The following NFXL1 variants were observed in gnomAD, a reference collection of about 807,000 sequenced individuals.
NFXL1 encodes nuclear transcription factor, X-box binding like 1.
In NFXL1, 66 loss-of-function variants were observed where a neutral mutation model predicts 123.3. The ratio of observed to expected loss-of-function variants is 0.54; its 90% CI spans 0.44 to 0.66. The LOEUF (loss-of-function observed/expected upper bound fraction) is 0.66. Ranked by LOEUF, NFXL1 falls within the 30% of genes least tolerant of loss-of-function variation. NFXL1 has a pLI of 0.00. For missense variants in NFXL1, 944 were observed against 1,125.6 expected (o/e 0.84, Z 2.31); for synonymous variants, 346 against 360.8 (o/e 0.96, Z 0.46).
intron 10 of NFXL1, 108 bp from the exon 11 acceptor site, chr4:47,894,410 A>T (rs1260792412): frequency 1.4e-5 from 9 of 648,140 alleles, no homozygotes; most frequent in Non-Finnish European, 2.1e-5. Flanking sequence ...TTTTAACACT[A>T]AATTTGTATA....
At chr4:47,894,461 T>C (rs146746790) in intron 10 of NFXL1, among the ~76,000 whole-genome samples, 159 bp from the exon 11 acceptor site, 223 of 152,252 alleles carry the variant, frequency 1.5e-3, no homozygotes, top group Middle Eastern at 0.014. Context: ...CCTAAAACAT[T>C]TGCTTATATC....
intron 2 of NFXL1, among the ~76,000 whole-genome samples, chr4:47,912,057 T>A (rs1016581329): frequency 6.6e-6 from 1 of 152,202 alleles, no homozygotes; most frequent in African/African-American, 2.4e-5. Flanking sequence ...TGTTCCCTCA[T>A]GAAACATTTT....
intron 18 of NFXL1, among the ~76,000 whole-genome samples, chr4:47,868,671 T>G (rs1735252251): frequency 6.6e-6 from 1 of 151,642 alleles, no homozygotes; most frequent in South Asian, 2.1e-4. Context: ...AGTGACATAA[T>G]ACAAACAGTA....
intron 15 of NFXL1, chr4:47,882,128 G>C (rs1263364116): frequency 6.6e-6 from 1 of 151,662 alleles, no homozygotes; most frequent in East Asian, 1.9e-4. Flanking sequence ...CTGTGGTATG[G>C]GGGCACACAT....
chr4:47,913,976 T>C lies in NFXL1; in HGVS notation c.228A>G (p.Ala76=), dbSNP rs1248288698. Residue 76 remains alanine (A), a synonymous_variant, in exon 2 of 23, where the codon GCA becomes GCG. Coordinates refer to ENST00000507489, the MANE Select transcript of NFXL1 (RefSeq NM_001278624.2). ...PAGSQALQTT[A]ASELMSQKKF... is the part of the protein sequence containing the mutation. ...GGCGGGAGCCATTCTCACCGCTGGC[T>C]GCGGTAGTCTGCAGGGCTTGGGATC... The C allele has an allele frequency of 6.5e-7, 1 of 1,544,992 alleles. No homozygotes were observed.
Position 47,865,780 on chromosome 4 carries a change from C to T in NFXL1, c.2247-2865G>A, listed in dbSNP as rs533510301. Among the ~76,000 whole-genome samples the T allele has an allele frequency of 2.0e-4, 30 of 152,116 alleles. No individual in the cohort carries two copies. The South Asian group carries it at 5.2e-3, about 26-fold the overall frequency. ...CCGAGGAAGGTGAACTGCCGGAGGC[C>T]GAGGAAGGTGAACTGCCAGAGCCCA... On this transcript the variant is annotated intron_variant, in intron 18 of 22. Coordinates refer to ENST00000507489, the MANE Select transcript of NFXL1 (RefSeq NM_001278624.2).
intron 19 of NFXL1, among the ~76,000 whole-genome samples, chr4:47,855,740 TACA>T (rs1330920367): frequency 1.3e-5 from 2 of 152,174 alleles, no homozygotes; most frequent in Non-Finnish European, 2.9e-5. Flanking sequence ...CCTTTTATTC[TACA>T]ACATTTACCC....
At position 47,890,686 on chromosome 4, in the gene NFXL1, A is replaced by G; in HGVS notation, c.1470T>C (p.Cys490=). 6.2e-7 allele frequency: 1 copy of G among 1,609,194 alleles called. No homozygotes were observed. The change falls in exon 12 of 23, where the codon TGT becomes TGC. Residue 490 remains cysteine, a synonymous_variant. Coordinates refer to ENST00000507489, the MANE Select transcript of NFXL1 (RefSeq NM_001278624.2). ...QCRRKCCPGN[C]PPCDQNCGRT... is the part of the protein sequence containing the mutation. ...GTCCACAGTTTTGATCACAAGGTGG[A>G]CAGTTTCCAGGGCAACACTGAAGAG...
rs1265872481 is a variant in NFXL1 at position 47,875,428 on chromosome 4, G to A, written c.2080-135C>T. 15 of 555,812 alleles carry A rather than the reference G, an allele frequency of 2.7e-5. No homozygotes were observed. In the East Asian group the frequency reaches 3.3e-4, roughly 12 times the overall value. 34.4% of individuals were successfully genotyped at this position (555,812 alleles called of 1,614,324 possible). A position where few individuals can be genotyped will look rare whatever the true frequency, so the allele number is the denominator to read the frequency against. ...TTCTTAGAAACAGAGTTAATCAAAC[G>A]GTACATGCTCTCATTTATCTTAAAA... On this transcript the variant is annotated intron_variant, in intron 17 of 22. Transcript: ENST00000507489.
intron 10 of NFXL1, 90 bp downstream of exon 10, chr4:47,896,433 A>G (rs995090896): frequency 2.0e-6 from 2 of 999,638 alleles, no homozygotes; most frequent in Non-Finnish European, 3.0e-6. Flanking sequence ...GTATATGAAA[A>G]TAAGTAATAG....
rs775485307 is a variant in NFXL1, at chr4:47,899,383, G to A, written c.813C>T (p.Leu271=). 12 of 1,612,946 alleles carry A rather than the reference G, an allele frequency of 7.4e-6. No individual in the cohort carries two copies. The highest frequency in any genetic ancestry group is 3.3e-5 in the Admixed American group (2 of 59,966). Residue 271 remains leucine, a synonymous_variant, in exon 6 of 23, where the codon CTC becomes CTT. Coordinates refer to ENST00000507489, the MANE Select transcript of NFXL1 (RefSeq NM_001278624.2). Reference sequence around the variant, plus strand: ...TATATAACTCACCTGGATGACAGAGGAGTAAACATTTATGGCCACAAGGAG... The same window carrying A: ...TATATAACTCACCTGGATGACAGAGAAGTAAACATTTATGGCCACAAGGAG... ...FKPPCGHKCL[L]LCHPGPCPPC... is the part of the protein sequence containing the mutation.
intron 4 of NFXL1, among the ~76,000 whole-genome samples, chr4:47,904,133 G>T (rs1737460760): frequency 1.3e-5 from 2 of 152,148 alleles, no homozygotes. Flanking sequence ...CAGGGAAAAA[G>T]AAATAACCAA....
Position 47,914,183 on chromosome 4 carries a change from C to A in NFXL1, c.21G>T (p.Gln7His). The A allele has an allele frequency of 6.6e-7, 1 of 1,522,016 alleles. No homozygotes were observed. The highest frequency in any genetic ancestry group is 1.2e-5 in the South Asian group (1 of 82,922). 94.3% of individuals were successfully genotyped at this position (1,522,016 alleles called of 1,614,324 possible). A position where few individuals can be genotyped will look rare whatever the true frequency, so the allele number is the denominator to read the frequency against. The part of the protein sequence containing the change: MEASWR[Q>H]VAGGRGRSRG... The stretch of plus-strand genomic sequence containing the variant: ...GGGATCGGCCTCGGCCACCGGCCAC[C>A]TGGCGCCAGGAAGCTTCCATCCCTG... Residue 7 changes from glutamine (Q) to histidine (H), a missense_variant, in exon 2 of 23, where the codon CAG (glutamine) becomes CAT (histidine). Gln to His is a conservative substitution (Grantham distance 24, BLOSUM62 0). Coordinates refer to ENST00000507489, the MANE Select transcript of NFXL1 (RefSeq NM_001278624.2).
chr4:47,868,974 A>G (rs908348886), intron 18 of NFXL1, among the ~76,000 whole-genome samples: 4 of 152,172 alleles, frequency 2.6e-5, no homozygotes, highest in Non-Finnish European at 5.9e-5. Flanking sequence ...TAATCTCAAC[A>G]TTTTAGGAAG....
At position 47,879,104 on chromosome 4, in the gene NFXL1, T is replaced by TC; in HGVS notation, c.1929dup (p.Lys644GlufsTer3). On this transcript the variant is annotated frameshift_variant, in exon 16 of 23. Coordinates refer to ENST00000507489, the MANE Select transcript of NFXL1 (RefSeq NM_001278624.2). LOFTEE classifies it high-confidence loss of function. ...TTGTGCCTGTAACTTACCTCATGTT[T>TC]CCCAAGACATTCCCTACAAGGAAAA... The TC allele has an allele frequency of 7.2e-7, 1 of 1,383,594 alleles. No individual in the cohort carries two copies. Among genetic ancestry groups the TC allele is most frequent in the Non-Finnish European group, 9.7e-7 (1 of 1,026,694 alleles). 85.7% of individuals were successfully genotyped at this position (1,383,594 alleles called of 1,614,324 possible). A position where few individuals can be genotyped will look rare whatever the true frequency, so the allele number is the denominator to read the frequency against.
chr4:47,907,084 G>A (rs746998610), intron 3 of NFXL1, among the ~76,000 whole-genome samples: 7 of 152,322 alleles, frequency 4.6e-5, no homozygotes, highest in Middle Eastern at 3.4e-3. Context: ...CACATGTTAA[G>A]CAGCTGTAAA....
chr4:47,905,520 G>A (rs1039730040), intron 3 of NFXL1, among the ~76,000 whole-genome samples, 174 bp from the exon 4 acceptor site: 3 of 152,106 alleles, frequency 2.0e-5, no homozygotes, highest in East Asian at 3.8e-4. Flanking sequence ...AAGAGGTAAC[G>A]AAGTCTGTGT....
intron 22 of NFXL1, among the ~76,000 whole-genome samples, chr4:47,849,320 T>C (rs928660297): frequency 2.0e-5 from 3 of 152,208 alleles, no homozygotes; most frequent in African/African-American, 7.2e-5. Context: ...TGGGGATTTT[T>C]ATCCTACTGC....
At chr4:47,874,662 A>T (rs1735636454) in intron 18 of NFXL1, among the ~76,000 whole-genome samples, 1 of 151,942 alleles carries the variant, frequency 6.6e-6, no homozygotes, top group Non-Finnish European at 1.5e-5. Flanking sequence ...AAATGAACAT[A>T]TGCTGTTGGA....
Sources: gnomAD v4.1 joint callset for allele counts (sites outside exome capture counted in the v4.1 genomes callset) on GRCh38, gnomAD v4.1.1 for gene constraint, MANE v1.5 for transcripts, NCBI Gene and HGNC (gene_info 2026-07-23, HGNC 2026-07-21) for gene names.